The following RNF152 variants were observed in gnomAD, a reference collection of about 807,000 sequenced individuals.
The protein encoded by RNF152 is ring finger protein 152.
Under a neutral mutation model 12.7 loss-of-function variants are expected in RNF152, and 11 were observed. That is an observed-to-expected ratio of 0.86 (90% CI 0.54 to 1.43). The LOEUF is 1.43. Ranked by LOEUF, RNF152 falls within the 40% of genes most tolerant of loss-of-function variation. The pLI, the probability that RNF152 is intolerant of heterozygous loss-of-function variation, is 0.00. For missense variants in RNF152, 255 were observed against 274.8 expected, an observed-to-expected ratio of 0.93 and a Z score of 0.51; for synonymous variants, 113 against 120.3, an observed-to-expected ratio of 0.94 and a Z score of 0.40.
At chr18:61,841,293 T>C (rs1440429147) in intron 1 of RNF152, among the ~76,000 whole-genome samples, 1 of 152,192 alleles carries the variant, frequency 6.6e-6, no homozygotes, top group Non-Finnish European at 1.5e-5. Flanking sequence ...GGGAGAGGCA[T>C]GTAATAAATA....
intron 1 of RNF152, among the ~76,000 whole-genome samples, chr18:61,861,959 G>T (rs890323385): frequency 2.0e-5 from 3 of 152,144 alleles, no homozygotes; most frequent in Non-Finnish European, 2.9e-5. Flanking sequence ...ATGAGATTTG[G>T]AGGGCTCAGA....
In RNF152 at chr18:61,859,980, T is replaced by C. The variant is rs189455375; in HGVS notation, c.-136+32815A>G. ...TCACTGCAGATGTCATTAGTTAAGA[T>C]GAGGTTATATTGGAGCAGGGTGGGC... On this transcript the variant is annotated intron_variant, in intron 1 of 1. Coordinates refer to ENST00000312828, the MANE Select transcript of RNF152 (RefSeq NM_173557.3). Among the ~76,000 whole-genome samples the C allele has an allele frequency of 1.1e-4, 17 of 152,270 alleles. No homozygotes were observed. In the East Asian group the frequency reaches 3.3e-3, roughly 29 times the overall value.
At chr18:61,876,044 T>A (rs1383664929) in intron 1 of RNF152, among the ~76,000 whole-genome samples, 1 of 152,160 alleles carries the variant, frequency 6.6e-6, no homozygotes, top group African/African-American at 2.4e-5. Context: ...ATACTATTCC[T>A]ACTCCCATAC....
At chr18:61,865,775 G>A (rs998661464) in intron 1 of RNF152, among the ~76,000 whole-genome samples, 1 of 152,130 alleles carries the variant, frequency 6.6e-6, no homozygotes, top group African/African-American at 2.4e-5. Flanking sequence ...TTAAGTTGAA[G>A]GCAAATATTC....
At chr18:61,878,499 T>C (rs1051460508) in intron 1 of RNF152, among the ~76,000 whole-genome samples, 2 of 152,368 alleles carry the variant, frequency 1.3e-5, no homozygotes, top group Non-Finnish European at 2.9e-5. Context: ...GTTCATTTGC[T>C]TGTTTGAGCC....
At chr18:61,840,739 G>T (rs1215252047) in intron 1 of RNF152, among the ~76,000 whole-genome samples, 2 of 151,438 alleles carry the variant, frequency 1.3e-5, no homozygotes, top group Non-Finnish European at 2.9e-5. Context: ...ATCCAAAAAG[G>T]ATGTATATTT....
chr18:61,876,002 C>A (rs976134155), intron 1 of RNF152, among the ~76,000 whole-genome samples: 1 of 152,124 alleles, frequency 6.6e-6, no homozygotes, highest in Non-Finnish European at 1.5e-5. Flanking sequence ...ATCCCTAAGT[C>A]CCCCTCCCAC....
In RNF152 at chr18:61,811,010, T is replaced by A. The variant is rs1273982410; in HGVS notation, c.*4842A>T. On this transcript the variant is annotated 3_prime_UTR_variant, in exon 2 of 2. Transcript: ENST00000312828. ...TGCACCGATAACTTTTGAACTTCTA[T>A]CTTCCTATTAAGGCTAAAGAAAGAT... 1 of 150,694 alleles carries A rather than the reference T, an allele frequency of 6.6e-6. No individual in the cohort carries two copies. The highest frequency in any genetic ancestry group is 2.4e-5 in the African/African-American group (1 of 40,904). The allele number at this position is 150,694 out of a possible 1,614,324, so 9.3% of individuals were successfully genotyped here. A position where few individuals can be genotyped will look rare whatever the true frequency, so the allele number is the denominator to read the frequency against.
upstream of RNF152, chr18:61,893,476 C>T (rs1913056394): frequency 6.6e-6 from 1 of 152,562 alleles, no homozygotes; most frequent in Non-Finnish European, 1.5e-5. Flanking sequence ...AAGCCATGCC[C>T]CGACCCCAGG....
At chr18:61,891,364 C>T (rs915759669) in intron 1 of RNF152, among the ~76,000 whole-genome samples, 10 of 152,214 alleles carry the variant, frequency 6.6e-5, no homozygotes, top group South Asian at 2.1e-4. Context: ...TGTTCTTGGA[C>T]GTGCATTTAC....
intron 1 of RNF152, among the ~76,000 whole-genome samples, chr18:61,819,837 A>AT (rs1909293748): frequency 6.6e-6 from 1 of 151,736 alleles, no homozygotes; most frequent in Non-Finnish European, 1.5e-5. Context: ...CCTAGTCAAC[A>AT]TAACGAGACT....
chr18:61,869,356 A>G (rs1261803614), intron 1 of RNF152, among the ~76,000 whole-genome samples: 1 of 152,200 alleles, frequency 6.6e-6, no homozygotes, highest in Non-Finnish European at 1.5e-5. Context: ...ATCTTTTAGG[A>G]TACATAAAAA....
chr18:61,870,064 AG>A (rs1197442530), intron 1 of RNF152, among the ~76,000 whole-genome samples: 1 of 152,244 alleles, frequency 6.6e-6, no homozygotes, highest in Admixed American at 6.5e-5. Context: ...ACCATAAAAA[AG>A]TATTTCCATT....
intron 1 of RNF152, among the ~76,000 whole-genome samples, chr18:61,891,209 C>T (rs1344225677): frequency 6.6e-6 from 1 of 152,202 alleles, no homozygotes; most frequent in Non-Finnish European, 1.5e-5. Flanking sequence ...TAGGGATCCT[C>T]CAGCCTAAAG....
Position 61,808,086 on chromosome 18 carries a change from C to T in RNF152, c.*7766G>A, listed in dbSNP as rs940611451. ...AGTCTATTTGAAATCATTTTATGAA[C>T]TTTAATCATAGCAAATGTGTTTTTA... On this transcript the variant is annotated 3_prime_UTR_variant, in exon 2 of 2. Transcript: ENST00000312828. 2 of 151,958 alleles carry T rather than the reference C, an allele frequency of 1.3e-5. No homozygotes were observed. Among genetic ancestry groups the T allele is most frequent in the African/African-American group, 4.8e-5 (2 of 41,362 alleles). The allele number at this position is 151,958 out of a possible 1,614,324, so 9.4% of individuals were successfully genotyped here. A position where few individuals can be genotyped will look rare whatever the true frequency, so the allele number is the denominator to read the frequency against.
intron 1 of RNF152, among the ~76,000 whole-genome samples, chr18:61,842,469 C>T (rs1364477809): frequency 6.6e-6 from 1 of 152,216 alleles, no homozygotes; most frequent in Non-Finnish European, 1.5e-5. Context: ...CGAGTTGTCA[C>T]AGGGGCTTTG....
intron 1 of RNF152, among the ~76,000 whole-genome samples, chr18:61,855,557 C>T (rs546208899): frequency 4.6e-5 from 7 of 152,336 alleles, no homozygotes; most frequent in African/African-American, 9.6e-5. Context: ...CAGTAGAAGC[C>T]ACGTGCAGTG....
At position 61,816,332 on chromosome 18, in the gene RNF152, G is replaced by C; in HGVS notation, c.132C>G (p.Thr44=). ...CCSVCLQQMR[T]SQKDVRCPWC... is the part of the protein sequence containing the mutation. ...AGGGGCACCGCACATCCTTCTGGCTGGTCCTCATCTGCTGCAGGCACACTG... is the reference window on the plus strand; with the variant it reads ...AGGGGCACCGCACATCCTTCTGGCTCGTCCTCATCTGCTGCAGGCACACTG... The change falls in exon 2 of 2, where the codon ACC becomes ACG. Residue 44 remains threonine (T), a synonymous_variant. Coordinates refer to ENST00000312828, the MANE Select transcript of RNF152 (RefSeq NM_173557.3). 6.2e-7 allele frequency: 1 copy of C among 1,614,232 alleles called. No individual in the cohort carries two copies. The highest frequency in any genetic ancestry group is 8.5e-7 in the Non-Finnish European group (1 of 1,180,040).
At chr18:61,845,296 G>T (rs1568276190) in intron 1 of RNF152, among the ~76,000 whole-genome samples, 1 of 152,218 alleles carries the variant, frequency 6.6e-6, no homozygotes, top group South Asian at 2.1e-4. Context: ...TTTTGGCTGT[G>T]CTGTGTAAGA....
Sources: allele counts gnomAD v4.1 joint callset (sites outside exome capture counted in the v4.1 genomes callset), GRCh38; gene constraint gnomAD v4.1.1; transcripts MANE v1.5; gene names NCBI Gene and HGNC (gene_info 2026-07-23, HGNC 2026-07-21).